RBMS3: variants seen among roughly 807,000 people sequenced by gnomAD.
RBMS3 encodes RNA-binding motif, single-stranded-interacting protein 3.
A neutral mutation model predicts 66.8 loss-of-function variants in RBMS3; 27 were observed. The observed-to-expected ratio is 0.40, with a 90% confidence interval of 0.30 to 0.56. The LOEUF (loss-of-function observed/expected upper bound fraction) is 0.56. Among genes scored for constraint, RBMS3 ranks in the 20% least tolerant of loss-of-function variants. The pLI is 0.40. For synonymous variants in RBMS3, 188 were observed against 183.0 expected (o/e 1.03, Z -0.22); for missense variants, 513 against 549.5 (o/e 0.93, Z 0.66).
chr3:29,456,668 T>A lies in RBMS3; in HGVS notation c.248+21753T>A, dbSNP rs60481599. The stretch of plus-strand genomic sequence containing the variant: ...TTTTATAATAGGAAAAAATGGATAT[T>A]GTATTTCTAAGATATTATTCAAAAA... On this transcript the variant is annotated intron_variant, in intron 2 of 14. Transcript: ENST00000383767. Among the ~76,000 whole-genome samples the A allele has an allele frequency of 8.5e-3, 1,294 of 152,340 alleles. 20 individuals carry two copies. Among genetic ancestry groups the A allele is most frequent in the African/African-American group, 0.026 (1,082 of 41,584 alleles).
intron 6 of RBMS3, among the ~76,000 whole-genome samples, chr3:29,776,490 A>G (rs151306594): frequency 3.9e-4 from 59 of 152,078 alleles, no homozygotes; most frequent in African/African-American, 1.4e-3. Flanking sequence ...TGTTGTGTAC[A>G]TGTACCCTAA....
chr3:29,849,129 T>A (rs1261663171), intron 6 of RBMS3, among the ~76,000 whole-genome samples: 2 of 151,788 alleles, frequency 1.3e-5, no homozygotes, highest in Admixed American at 1.3e-4. Flanking sequence ...CACATACTTA[T>A]GCACATACAA....
At chr3:29,579,151 C>A (rs1559483949) in intron 3 of RBMS3, among the ~76,000 whole-genome samples, 4 of 152,194 alleles carry the variant, frequency 2.6e-5, no homozygotes, top group African/African-American at 9.6e-5. Flanking sequence ...CACTTTTCTT[C>A]TTTTCTGCTC....
chr3:29,423,504 T>C (rs2040830856), intron 1 of RBMS3, among the ~76,000 whole-genome samples: 2 of 152,192 alleles, frequency 1.3e-5, no homozygotes, highest in Middle Eastern at 3.2e-3. Flanking sequence ...TAAAAGGAGA[T>C]TAATTACATT....
intron 4 of RBMS3, among the ~76,000 whole-genome samples, chr3:29,713,492 G>C (rs899311011): frequency 6.6e-6 from 1 of 152,044 alleles, no homozygotes; most frequent in Non-Finnish European, 1.5e-5. Flanking sequence ...GCTACATCCT[G>C]TGCTGGCTCC....
At chr3:29,387,885 C>T (rs936548746) in intron 1 of RBMS3, among the ~76,000 whole-genome samples, 21 of 152,338 alleles carry the variant, frequency 1.4e-4, no homozygotes, top group African/African-American at 4.8e-4. Context: ...TGCTTCTCTT[C>T]TGTGTTACCT....
intron 4 of RBMS3, among the ~76,000 whole-genome samples, chr3:29,640,510 T>C (rs879449271): frequency 1.1e-4 from 17 of 151,972 alleles, no homozygotes; most frequent in Admixed American, 3.9e-4. Flanking sequence ...CACTAGTTAA[T>C]ATTTAGAAAC....
intron 4 of RBMS3, among the ~76,000 whole-genome samples, chr3:29,627,095 A>G (rs1326587117): frequency 6.6e-6 from 1 of 152,186 alleles, no homozygotes; most frequent in Non-Finnish European, 1.5e-5. Context: ...GACGGATTTA[A>G]TAAGATGAAG....
chr3:29,439,965 C>G (rs931743703), intron 2 of RBMS3, among the ~76,000 whole-genome samples: 4 of 152,050 alleles, frequency 2.6e-5, no homozygotes, highest in Admixed American at 6.6e-5. Context: ...GAAGACCAGA[C>G]GGAAGTCGGA....
At chr3:29,658,228 T>C (rs1257613338) in intron 4 of RBMS3, among the ~76,000 whole-genome samples, 1 of 152,208 alleles carries the variant, frequency 6.6e-6, no homozygotes, top group African/African-American at 2.4e-5. Flanking sequence ...TAGAAAACAC[T>C]TGATAAAGGT....
chr3:29,707,376 G>T (rs1283308362), intron 4 of RBMS3, among the ~76,000 whole-genome samples: 5 of 152,206 alleles, frequency 3.3e-5, no homozygotes, highest in Non-Finnish European at 7.3e-5. Flanking sequence ...GCTAGAACAT[G>T]TAGATGTAAA....
At chr3:29,821,712 AC>A (rs1349879054) in intron 6 of RBMS3, among the ~76,000 whole-genome samples, 3 of 152,188 alleles carry the variant, frequency 2.0e-5, no homozygotes, top group African/African-American at 7.2e-5. Flanking sequence ...AATCATAGGA[AC>A]TTTTTAATAT....
At chr3:29,670,300 A>G (rs2050941071) in intron 4 of RBMS3, among the ~76,000 whole-genome samples, 1 of 152,152 alleles carries the variant, frequency 6.6e-6, no homozygotes, top group Non-Finnish European at 1.5e-5. Context: ...CAAGAAGGCC[A>G]AATAGGAAGA....
chr3:29,685,262 C>T (rs928977336), intron 4 of RBMS3, among the ~76,000 whole-genome samples: 112 of 152,202 alleles, frequency 7.4e-4, no homozygotes, highest in African/African-American at 2.5e-3. Context: ...GGGGTTTCAC[C>T]ATGTTAGCCA....
At chr3:29,664,293 T>C (rs1373374594) in intron 4 of RBMS3, among the ~76,000 whole-genome samples, 2 of 151,994 alleles carry the variant, frequency 1.3e-5, no homozygotes, top group Non-Finnish European at 2.9e-5. Flanking sequence ...ATCGAGACCA[T>C]CCTAGCCAAC....
chr3:29,622,101 G>GA (rs922712213), intron 4 of RBMS3, among the ~76,000 whole-genome samples: 13 of 151,778 alleles, frequency 8.6e-5, no homozygotes, highest in South Asian at 2.1e-4. Context: ...AAATTTCATG[G>GA]AAAAAAAATC....
intron 1 of RBMS3, among the ~76,000 whole-genome samples, chr3:29,320,900 A>G (rs1485467379): frequency 6.6e-6 from 1 of 151,922 alleles, no homozygotes; most frequent in Non-Finnish European, 1.5e-5. Context: ...AATATGAGCC[A>G]TGGCTCCAGT....
intron 3 of RBMS3, among the ~76,000 whole-genome samples, chr3:29,546,386 A>C (rs534664459): frequency 6.6e-6 from 1 of 152,154 alleles, no homozygotes; most frequent in East Asian, 1.9e-4. Flanking sequence ...ATTTTCCTCA[A>C]CTGCCTCACA....
chr3:29,770,901 C>T (rs2056171089), intron 6 of RBMS3, among the ~76,000 whole-genome samples: 1 of 151,968 alleles, frequency 6.6e-6, no homozygotes, highest in Non-Finnish European at 1.5e-5. Context: ...TTTAAGAACA[C>T]ATTCTAACCA....
Sources: allele counts gnomAD v4.1 joint callset (sites outside exome capture counted in the v4.1 genomes callset), GRCh38; gene constraint gnomAD v4.1.1; transcripts MANE v1.5; gene names NCBI Gene and HGNC (gene_info 2026-07-23, HGNC 2026-07-21).